NRBP1: variants seen among roughly 807,000 people sequenced by gnomAD.
NRBP1 encodes the protein nuclear receptor binding protein 1.
Under a neutral mutation model 76.0 loss-of-function variants are expected in NRBP1, and 10 were observed. The ratio of observed to expected loss-of-function variants is 0.13; its 90% CI spans 0.08 to 0.22. NRBP1 has a LOEUF of 0.22. NRBP1 is among the 10% of genes least tolerant of loss of function. The pLI, the probability that NRBP1 is intolerant of heterozygous loss-of-function variation, is 1.00. For synonymous variants in NRBP1, 235 were observed against 240.2 expected (o/e 0.98, Z 0.20); for missense variants, 344 against 646.0 (o/e 0.53, Z 5.07).
chr2:27,435,639 TTGTC>T (rs900902765), intron 7 of NRBP1: 2 of 717,222 alleles, frequency 2.8e-6, no homozygotes, highest in Admixed American at 2.0e-5. Flanking sequence ...GTGTGTCCAT[TTGTC>T]TGGGGCTTGG....
chr2:27,430,469 C>CTTTTTTTTTTTTTTTTTTTTTT (rs977927783), intron 1 of NRBP1, among the ~76,000 whole-genome samples: 1 of 138,688 alleles, frequency 7.2e-6, no homozygotes, highest in African/African-American at 2.6e-5. Flanking sequence ...TTCTTTTTTT[C>CTTTTTTTTTTTTTTTTTTTTTT]TTTTTTTTTT....
Position 27,441,595 on chromosome 2 carries a change from G to A in NRBP1, c.1476G>A (p.Glu492=). ...PNENIPELAA[E]LVQLGFISEA... is the part of the protein sequence containing the mutation. The stretch of plus-strand genomic sequence containing the variant: ...AGAATATCCCCGAGTTGGCGGCTGA[G>A]CTGGTGCAGCTGGGCTTCATTAGTG... The change falls in exon 17 of 18, where the codon GAG becomes GAA. Residue 492 remains glutamate (E), a synonymous_variant. Coordinates refer to ENST00000379852, the MANE Select transcript of NRBP1 (RefSeq NM_013392.4). The A allele has an allele frequency of 6.2e-7, 1 of 1,614,132 alleles. No individual in the cohort carries two copies. Among genetic ancestry groups the A allele is most frequent in the Non-Finnish European group, 8.5e-7 (1 of 1,180,018 alleles).
Position 27,438,991 on chromosome 2 carries a change from C to T in NRBP1, c.904-775C>T, listed in dbSNP as rs148285014. On this transcript the variant is annotated intron_variant, in intron 10 of 17. Transcript: ENST00000379852. ...AGAAAGAAAGAAAATAAGGCAGAATCGTTAGAGGAATCCTGGGAAATTCGG... is the reference window on the plus strand; with the variant it reads ...AGAAAGAAAGAAAATAAGGCAGAATTGTTAGAGGAATCCTGGGAAATTCGG... 5.2e-3 allele frequency among the ~76,000 whole-genome samples: 783 copies of T among 151,916 alleles called. 4 individuals carry two copies. Among genetic ancestry groups the T allele is most frequent in the African/African-American group, 0.018 (744 of 41,426 alleles).
intron 1 of NRBP1, among the ~76,000 whole-genome samples, chr2:27,429,772 A>T (rs1349213948): frequency 6.6e-6 from 1 of 152,156 alleles, no homozygotes; most frequent in Non-Finnish European, 1.5e-5. Flanking sequence ...TCTCTGATGA[A>T]GGGTTGGTGT....
chr2:27,437,040 T>TC lies in NRBP1; in HGVS notation c.746-4dup, dbSNP rs1348414710. 2.5e-6 allele frequency: 4 copies of TC among 1,611,984 alleles called. 1 individual carries two copies. The Middle Eastern group carries it at 5.0e-4, about 200-fold the overall frequency. The stretch of plus-strand genomic sequence containing the variant: ...TGATTAACCAAAGCCTTCTCTGTTT[T>TC]CCCTAGAAGTCACTAATGTGACAAC... On this transcript the variant is annotated splice_polypyrimidine_tract_variant and splice_region_variant and intron_variant, in intron 8 of 17. Transcript: ENST00000379852.
At chr2:27,436,993 C>G (rs1664332082) in intron 8 of NRBP1, 54 bp from the exon 9 acceptor site, 2 of 1,553,904 alleles carry the variant, frequency 1.3e-6, no homozygotes, top group Admixed American at 1.8e-5. Context: ...GGCATTCCTG[C>G]CAACCCTAGC....
In NRBP1 at chr2:27,439,967, T is replaced by C. The variant is rs1020234408; in HGVS notation, c.1036+69T>C. On this transcript the variant is annotated intron_variant, in intron 11 of 17. Transcript: ENST00000379852. ...GCCCTGTAACTATCACTGGCATGCT[T>C]GTTTTCCTCTTTATTTCCAAAGGGA... 4 of 1,334,050 alleles carry C rather than the reference T, an allele frequency of 3.0e-6. No homozygotes were observed. The African/African-American group carries it at 5.9e-5, about 20-fold the overall frequency. The allele number at this position is 1,334,050 out of a possible 1,614,324, so 82.6% of individuals were successfully genotyped here.
chr2:27,440,030 T>G, intron 11 of NRBP1, 132 bp downstream of exon 11: 1 of 759,068 alleles, frequency 1.3e-6, no homozygotes. Context: ...TTTTTTTTTT[T>G]TGAGACAGAG....
chr2:27,433,903 G>A (rs774485432), intron 3 of NRBP1, 86 bp from the exon 4 acceptor site: 61 of 1,598,958 alleles, frequency 3.8e-5, no homozygotes, highest in Non-Finnish European at 5.0e-5. Flanking sequence ...GGGTTAGATC[G>A]TTTCTGGGGA....
At position 27,439,815 on chromosome 2, in the gene NRBP1, C is replaced by T; in HGVS notation, c.953C>T (p.Ala318Val). 6.2e-7 allele frequency: 1 copy of T among 1,614,084 alleles called. No homozygotes were observed. Among genetic ancestry groups the T allele is most frequent in the Non-Finnish European group, 8.5e-7 (1 of 1,180,012 alleles). The part of the protein sequence containing the change: ...LQSEPARRPT[A>V]RELLFHPALF... ...TCTGAGCCTGCTCGCAGACCAACAG[C>T]CAGAGAACTTCTGTTCCACCCAGCA... Residue 318 changes from alanine (A) to valine (V), a missense_variant, in exon 11 of 18, where the codon GCC becomes GTC. Coordinates refer to ENST00000379852, the MANE Select transcript of NRBP1 (RefSeq NM_013392.4).
In NRBP1 at chr2:27,433,362, T is replaced by C. The variant is rs1299943305; in HGVS notation, c.89T>C (p.Val30Ala). ...TCTTCAGCTCCTGGCCTGACATCAG[T>C]GTCACCTCCTGTGACCTCCACAACC... Reference protein sequence around the residue: ...SSSSAPGLTSVSPPVTSTTSA... With the variant: ...SSSSAPGLTSASPPVTSTTSA... Residue 30 changes from valine to alanine, a missense_variant, in exon 2 of 18, where the codon GTG (valine) becomes GCG (alanine). Val to Ala is a moderately conservative substitution (Grantham distance 64). Coordinates refer to ENST00000379852, the MANE Select transcript of NRBP1 (RefSeq NM_013392.4). 5.6e-6 allele frequency: 9 copies of C among 1,614,086 alleles called. No homozygotes were observed. The highest frequency in any genetic ancestry group is 1.3e-5 in the African/African-American group (1 of 74,946).
At chr2:27,429,054 G>A (rs1229383343) in intron 1 of NRBP1, 1 of 197,198 alleles carries the variant, frequency 5.1e-6, no homozygotes, top group African/African-American at 2.3e-5. Flanking sequence ...GCGGGGGCGG[G>A]GGCGGCGGTC....
rs1046056285 is a variant in NRBP1, at chr2:27,441,937, G to A, written c.*125G>A. 1.4e-5 allele frequency: 9 copies of A among 659,882 alleles called. No homozygotes were observed. The highest frequency in any genetic ancestry group is 3.6e-5 in the African/African-American group (2 of 55,486). 40.9% of individuals were successfully genotyped at this position (659,882 alleles called of 1,614,324 possible). A position where few individuals can be genotyped will look rare whatever the true frequency, so the allele number is the denominator to read the frequency against. ...CCTTCCCTCCTTTATTATTCAGGAG[G>A]GCTGGGGGGGCTCCCTGGTTCTGAG... is the stretch of plus-strand genomic sequence containing the variant. On this transcript the variant is annotated 3_prime_UTR_variant, in exon 18 of 18. Coordinates refer to ENST00000379852, the MANE Select transcript of NRBP1 (RefSeq NM_013392.4).
chr2:27,434,880 A>G, intron 6 of NRBP1, 118 bp downstream of exon 6: 1 of 1,109,584 alleles, frequency 9.0e-7, no homozygotes, highest in Non-Finnish European at 1.4e-6. Flanking sequence ...TGAATCATAT[A>G]CTGTCAAGAT....
intron 1 of NRBP1, chr2:27,429,303 C>T (rs1308599498): frequency 6.6e-6 from 1 of 152,480 alleles, no homozygotes; most frequent in Non-Finnish European, 1.5e-5. Context: ...GGTTCCTCCC[C>T]AGAGCGGTTT....
intron 1 of NRBP1, among the ~76,000 whole-genome samples, chr2:27,431,071 C>T (rs1248259359): frequency 2.0e-5 from 3 of 152,108 alleles, no homozygotes; most frequent in East Asian, 3.9e-4. Context: ...GAGGCTGAGG[C>T]GGGCGGATCA....
intron 7 of NRBP1, 145 bp downstream of exon 7, chr2:27,435,372 T>C: frequency 1.5e-6 from 1 of 646,550 alleles, no homozygotes; most frequent in Non-Finnish European, 2.7e-6. Context: ...GAGTAATTAA[T>C]AGGAGAGGCC....
rs530162657 is a variant in NRBP1 at position 27,441,888 on chromosome 2, C to T, written c.*76C>T. The T allele has an allele frequency of 1.7e-5, 15 of 862,136 alleles. No homozygotes were observed. Among genetic ancestry groups the T allele is most frequent in the South Asian group, 1.1e-4 (7 of 65,484 alleles). The allele number at this position is 862,136 out of a possible 1,614,324, so 53.4% of individuals were successfully genotyped here. A position where few individuals can be genotyped will look rare whatever the true frequency, so the allele number is the denominator to read the frequency against. On this transcript the variant is annotated 3_prime_UTR_variant, in exon 18 of 18. Transcript: ENST00000379852. ...CTGCAGCCCTCCTGTCCCTTCCCCC[C>T]AGTCAGTATTACCCTGTGAAGCCCC...
At chr2:27,439,559 C>T (rs1238738368) in intron 10 of NRBP1, among the ~76,000 whole-genome samples, 1 of 151,010 alleles carries the variant, frequency 6.6e-6, no homozygotes, top group Non-Finnish European at 1.5e-5. Flanking sequence ...ATAATTAAAA[C>T]CAGAAAGGCA....
Sources: allele counts gnomAD v4.1 joint callset (sites outside exome capture counted in the v4.1 genomes callset), GRCh38; gene constraint gnomAD v4.1.1; transcripts MANE v1.5; gene names NCBI Gene and HGNC (gene_info 2026-07-23, HGNC 2026-07-21).